ATG10: variants seen among roughly 807,000 people sequenced by gnomAD.
ATG10 encodes ubiquitin-like-conjugating enzyme ATG10.
In ATG10, 30 loss-of-function variants were observed where a neutral mutation model predicts 32.1. The ratio of observed to expected loss-of-function variants is 0.94; its 90% CI spans 0.70 to 1.27. The LOEUF (loss-of-function observed/expected upper bound fraction) is 1.27. ATG10 is among the 50% of genes most tolerant of loss of function. The pLI, the probability that ATG10 is intolerant of heterozygous loss-of-function variation, is 0.00. For missense variants in ATG10, 233 were observed against 262.3 expected, an observed-to-expected ratio of 0.89 and a Z score of 0.77; for synonymous variants, 87 against 91.5, an observed-to-expected ratio of 0.95 and a Z score of 0.28.
chr5:82,196,950 T>C (rs1016062061), intron 5 of ATG10, among the ~76,000 whole-genome samples: 3 of 152,210 alleles, frequency 2.0e-5, no homozygotes, highest in African/African-American at 7.2e-5. Context: ...AATTTTGATA[T>C]GGATTGCACT....
At chr5:82,228,690 G>A (rs890816394) in intron 5 of ATG10, among the ~76,000 whole-genome samples, 1 of 152,048 alleles carries the variant, frequency 6.6e-6, no homozygotes, top group Non-Finnish European at 1.5e-5. Context: ...AATATGTACC[G>A]TGCATTGGAA....
chr5:82,238,536 G>T (rs1213959096), intron 5 of ATG10, among the ~76,000 whole-genome samples: 2 of 152,140 alleles, frequency 1.3e-5, no homozygotes, highest in Non-Finnish European at 2.9e-5. Context: ...ATAATTAGCT[G>T]CTGTTTTATG....
intron 1 of ATG10, among the ~76,000 whole-genome samples, chr5:81,975,897 C>G (rs1760859450): frequency 6.6e-6 from 1 of 151,666 alleles, no homozygotes; most frequent in Non-Finnish European, 1.5e-5. Flanking sequence ...TAAAGAGAAT[C>G]AAGATCATAA....
chr5:82,117,757 G>A (rs888602752), intron 3 of ATG10, among the ~76,000 whole-genome samples: 2 of 152,092 alleles, frequency 1.3e-5, no homozygotes, highest in African/African-American at 4.8e-5. Flanking sequence ...CGAGAATGAA[G>A]GTGTGATATG....
intron 2 of ATG10, among the ~76,000 whole-genome samples, chr5:81,994,585 A>G (rs1275114258): frequency 6.6e-6 from 1 of 152,196 alleles, no homozygotes; most frequent in Non-Finnish European, 1.5e-5. Flanking sequence ...TCCAAATGCA[A>G]TTCTGAGTTC....
chr5:82,199,279 A>C (rs1296218533), intron 5 of ATG10, among the ~76,000 whole-genome samples: 1 of 152,194 alleles, frequency 6.6e-6, no homozygotes. Context: ...TCTTGGTAGA[A>C]TTTGTGTGCT....
intron 3 of ATG10, among the ~76,000 whole-genome samples, chr5:82,151,486 T>C (rs895192784): frequency 1.3e-5 from 2 of 152,240 alleles, no homozygotes; most frequent in African/African-American, 2.4e-5. Flanking sequence ...AGTGATGTTT[T>C]CACTCCTTTC....
intron 2 of ATG10, among the ~76,000 whole-genome samples, chr5:82,024,336 A>G (rs969805955): frequency 6.6e-6 from 1 of 152,256 alleles, no homozygotes; most frequent in Non-Finnish European, 1.5e-5. Flanking sequence ...ATTCTAAGGC[A>G]GCATTACTCA....
intron 3 of ATG10, among the ~76,000 whole-genome samples, chr5:82,069,570 T>A (rs1371351086): frequency 6.6e-6 from 1 of 152,170 alleles, no homozygotes; most frequent in East Asian, 1.9e-4. Flanking sequence ...CACAACTGTG[T>A]CCTTAGCATT....
At chr5:82,021,121 C>T (rs1285775640) in intron 2 of ATG10, among the ~76,000 whole-genome samples, 1 of 151,944 alleles carries the variant, frequency 6.6e-6, no homozygotes, top group African/African-American at 2.4e-5. Context: ...AGGGGTCATG[C>T]TGAATTCAAA....
At chr5:82,133,514 C>T (rs4389667) in intron 3 of ATG10, among the ~76,000 whole-genome samples, 149,841 of 152,090 alleles carry the variant, frequency 0.99, 73,845 homozygotes, top group Middle Eastern at 1. Context: ...GTCAGGTTTG[C>T]CAAAGATCAG....
In ATG10 at chr5:82,109,522, G is replaced by A. The variant is rs542541382; in HGVS notation, c.216+50920G>A. The stretch of plus-strand genomic sequence containing the variant: ...CAAACTTATTTTTTAGTTTCCAAAA[G>A]CTGTATAATGCTCTTGTAAGCCTGA... On this transcript the variant is annotated intron_variant, in intron 3 of 7. Transcript: ENST00000282185. Among the ~76,000 whole-genome samples, 19 of 151,958 alleles carry A rather than the reference G, an allele frequency of 1.3e-4. No homozygotes were observed. In the East Asian group the frequency reaches 3.1e-3, roughly 25 times the overall value.
rs556611536 is a variant in ATG10, at chr5:82,196,495, C to G, written c.453+17908C>G. 2.2e-3 allele frequency among the ~76,000 whole-genome samples: 339 copies of G among 152,216 alleles called. 1 individual carries two copies. Among genetic ancestry groups the G allele is most frequent in the African/African-American group, 7.9e-3 (327 of 41,550 alleles). On this transcript the variant is annotated intron_variant, in intron 5 of 7. Coordinates refer to ENST00000282185, the MANE Select transcript of ATG10 (RefSeq NM_031482.5). ...CAAAGATTAAACCCTATGTGGTCTTCTAAGAGTTTTATGGTTTTAGCTTTT... is the reference window on the plus strand; with the variant it reads ...CAAAGATTAAACCCTATGTGGTCTTGTAAGAGTTTTATGGTTTTAGCTTTT...
rs1717595369 is a variant in ATG10 at position 82,081,198 on chromosome 5, A to G, written c.216+22596A>G. Among the ~76,000 whole-genome samples the G allele has an allele frequency of 3.9e-5, 6 of 152,208 alleles. No homozygotes were observed. In the South Asian group the frequency reaches 1.2e-3, roughly 32 times the overall value. The stretch of plus-strand genomic sequence containing the variant: ...GTATAAGAATGCTTGTGATTTTTGC[A>G]CATTGATTTTGTATCCTGAGACTTT... On this transcript the variant is annotated intron_variant, in intron 3 of 7. Transcript: ENST00000282185.
chr5:82,177,263 A>G (rs1016781657), intron 4 of ATG10, among the ~76,000 whole-genome samples: 4 of 152,146 alleles, frequency 2.6e-5, no homozygotes, highest in African/African-American at 9.7e-5. Flanking sequence ...ACTCACATGG[A>G]GAGTAAGTGC....
At chr5:82,058,429 T>C in intron 2 of ATG10, 66 bp from the exon 3 acceptor site, 3 of 1,192,232 alleles carry the variant, frequency 2.5e-6, no homozygotes, top group Non-Finnish European at 3.7e-6. Context: ...GGGAAGTGGT[T>C]CTTAAAATGA....
chr5:82,132,689 A>G (rs987390231), intron 3 of ATG10, among the ~76,000 whole-genome samples: 7 of 151,992 alleles, frequency 4.6e-5, no homozygotes, highest in African/African-American at 1.4e-4. Context: ...AGTCTTTGCT[A>G]TTGTGAAAAG....
chr5:81,992,642 G>A (rs1761498375), intron 2 of ATG10, among the ~76,000 whole-genome samples: 1 of 151,436 alleles, frequency 6.6e-6, no homozygotes, highest in South Asian at 2.1e-4. Context: ...GACCTTAAGT[G>A]ATCTACCCGC....
intron 2 of ATG10, among the ~76,000 whole-genome samples, chr5:82,017,860 T>C (rs548516431): frequency 2.0e-5 from 3 of 152,270 alleles, no homozygotes; most frequent in African/African-American, 7.2e-5. Context: ...TTAGTTCACC[T>C]TCTATATTAC....
Sources: allele counts gnomAD v4.1 joint callset (sites outside exome capture counted in the v4.1 genomes callset), GRCh38; gene constraint gnomAD v4.1.1; transcripts MANE v1.5; gene names NCBI Gene and HGNC (gene_info 2026-07-23, HGNC 2026-07-21).